Variants in ALPL observed in about 807,000 individuals in gnomAD.
ALPL encodes alkaline phosphatase, tissue-nonspecific isozyme.
ALPL carries 42 observed loss-of-function variants against 51.3 expected under a neutral mutation model. That is an observed-to-expected ratio of 0.82 (90% CI 0.64 to 1.06). The LOEUF (loss-of-function observed/expected upper bound fraction) is 1.06, where lower values mean the gene tolerates loss of function less well. ALPL is among the 50% of genes least tolerant of loss of function. The probability of loss-of-function intolerance (pLI) is 0.00; values close to 1 mark genes in which losing one functional copy is unlikely to be tolerated. For synonymous variants in ALPL, 279 were observed against 296.4 expected, an observed-to-expected ratio of 0.94 and a Z score of 0.60; for missense variants, 589 against 709.4, an observed-to-expected ratio of 0.83 and a Z score of 1.93.
At chr1:21,541,123 C>G (rs1166307095) in intron 1 of ALPL, among the ~76,000 whole-genome samples, 1 of 152,134 alleles carries the variant, frequency 6.6e-6, no homozygotes, top group Non-Finnish European at 1.5e-5. Flanking sequence ...GTGGCTTGAT[C>G]GAGTGGGCGG....
At position 21,568,404 on chromosome 1, in the gene ALPL, TAGTC is replaced by T. The variant is rs989710323; in HGVS notation, c.792+161_792+164del. On this transcript the variant is annotated intron_variant, in intron 7 of 11. Coordinates refer to ENST00000374840, the MANE Select transcript of ALPL (RefSeq NM_000478.6). ...GCCTAAGAGATATACAAGCAGTAGA[TAGTC>T]AGTGACTAATCATTTCCTTCCCTTG... 2.0e-4 allele frequency among the ~76,000 whole-genome samples: 31 copies of T among 152,200 alleles called. No individual in the cohort carries two copies. In the South Asian group the frequency reaches 2.5e-3, roughly 12 times the overall value.
chr1:21,575,999 G>A (rs1644726647), intron 10 of ALPL, 75 bp downstream of exon 10: 4 of 1,551,706 alleles, frequency 2.6e-6, no homozygotes, highest in Non-Finnish European at 3.6e-6. Context: ...GTGGGTGGGA[G>A]AGCCAGCAAG....
At chr1:21,561,613 CCTCCCA>C (rs1644486059) in intron 4 of ALPL, among the ~76,000 whole-genome samples, 1 of 151,576 alleles carries the variant, frequency 6.6e-6, no homozygotes, top group Non-Finnish European at 1.5e-5. Flanking sequence ...ACAGCCTTGG[CCTCCCA>C]GTCTTGGGAT....
chr1:21,563,145 C>T lies in ALPL; in HGVS notation c.333C>T (p.Ala111=), dbSNP rs769379537. Reference sequence around the variant, plus strand: ...CCAATGCCCAGGTCCCTGACAGTGCCGGCACCGCCACCGCCTACCTGTGTG... The same window carrying T: ...CCAATGCCCAGGTCCCTGACAGTGCTGGCACCGCCACCGCCTACCTGTGTG... The part of the protein sequence containing the change: ...YNTNAQVPDS[A]GTATAYLCGV... Residue 111 remains alanine, a synonymous_variant, in exon 5 of 12, where the codon GCC becomes GCT. Transcript: ENST00000374840. 22 of 1,613,606 alleles carry T rather than the reference C, an allele frequency of 1.4e-5. No individual in the cohort carries two copies. The highest frequency in any genetic ancestry group is 3.3e-5 in the South Asian group (3 of 91,084).
chr1:21,521,505 C>T (rs951824981), intron 1 of ALPL, among the ~76,000 whole-genome samples: 8 of 152,200 alleles, frequency 5.3e-5, no homozygotes, highest in Admixed American at 1.3e-4. Flanking sequence ...GGCTGCCCCA[C>T]TCGGCAAGGG....
At chr1:21,558,961 A>G (rs1489702799) in intron 2 of ALPL, among the ~76,000 whole-genome samples, 2 of 152,154 alleles carry the variant, frequency 1.3e-5, no homozygotes, top group Admixed American at 1.3e-4. Context: ...CCACCTGCCA[A>G]GGCAGTTGAG....
intron 1 of ALPL, among the ~76,000 whole-genome samples, chr1:21,515,064 G>A (rs1422861334): frequency 1.3e-5 from 2 of 152,146 alleles, no homozygotes; most frequent in Admixed American, 6.6e-5. Context: ...CTCCACTCCA[G>A]CTTGTTTCAG....
Position 21,568,116 on chromosome 1 carries a change from G to T in ALPL, c.661G>T (p.Gly221Cys), listed in dbSNP as rs769020799. Reference sequence around the variant, plus strand: ...CTGTCTCTTTTAGGTGATCATGGGGGGTGGCCGGAAATACATGTACCCCAA... The same window carrying T: ...CTGTCTCTTTTAGGTGATCATGGGGTGTGGCCGGAAATACATGTACCCCAA... ...NIRDIDVIMG[G>C]GRKYMYPKNK... is the part of the protein sequence containing the mutation. The change falls in exon 7 of 12, where the codon GGT becomes TGT. Residue 221 changes from glycine to cysteine, a missense_variant. Coordinates refer to ENST00000374840, the MANE Select transcript of ALPL (RefSeq NM_000478.6). The T allele has an allele frequency of 1.2e-6, 2 of 1,614,084 alleles. No homozygotes were observed. The highest frequency in any genetic ancestry group is 1.7e-6 in the Non-Finnish European group (2 of 1,180,030).
chr1:21,542,482 G>C (rs1401456121), intron 1 of ALPL, among the ~76,000 whole-genome samples: 3 of 152,198 alleles, frequency 2.0e-5, no homozygotes, highest in Non-Finnish European at 4.4e-5. Context: ...CTTCCCATTT[G>C]GACAATGGGA....
At chr1:21,528,308 A>G (rs999207884) in intron 1 of ALPL, among the ~76,000 whole-genome samples, 2 of 141,542 alleles carry the variant, frequency 1.4e-5, no homozygotes, top group South Asian at 2.2e-4. Context: ...GGAGTGACCT[A>G]TTCAGGCATG....
chr1:21,525,952 C>T (rs939145654), intron 1 of ALPL, among the ~76,000 whole-genome samples: 4 of 152,144 alleles, frequency 2.6e-5, no homozygotes, highest in Admixed American at 6.5e-5. Flanking sequence ...GGCACCATTG[C>T]ACTCCAGCCT....
intron 1 of ALPL, chr1:21,551,244 A>G (rs1352725451): frequency 2.0e-5 from 3 of 152,154 alleles, no homozygotes; most frequent in African/African-American, 7.2e-5. Context: ...AAGCACTAGG[A>G]GGGCAGAGAC....
At position 21,525,954 on chromosome 1, in the gene ALPL, C is replaced by T. The variant is rs575423432; in HGVS notation, c.-105+16437C>T. On this transcript the variant is annotated intron_variant, in intron 1 of 11. Transcript: ENST00000374840. ...AGTGAGCCAAGATGGCACCATTGCACTCCAGCCTGGGCAACAAGAGCAAAA... is the reference window on the plus strand; with the variant it reads ...AGTGAGCCAAGATGGCACCATTGCATTCCAGCCTGGGCAACAAGAGCAAAA... Among the ~76,000 whole-genome samples, 25 of 152,188 alleles carry T rather than the reference C, an allele frequency of 1.6e-4. 1 individual carries two copies. The highest frequency in any genetic ancestry group is 6.0e-4 in the African/African-American group (25 of 41,552).
chr1:21,543,193 C>T (rs562391538), intron 1 of ALPL, among the ~76,000 whole-genome samples: 15 of 152,186 alleles, frequency 9.9e-5, no homozygotes, highest in South Asian at 6.2e-4. Context: ...AGATTCTGAC[C>T]GAGTAGGTCT....
intron 1 of ALPL, among the ~76,000 whole-genome samples, chr1:21,515,905 G>A (rs1401122771): frequency 3.3e-5 from 5 of 151,980 alleles, no homozygotes; most frequent in Non-Finnish European, 7.4e-5. Context: ...GGGTCTAGTG[G>A]CTCTGTTGCC....
At chr1:21,553,476 T>C (rs1446817279) in intron 1 of ALPL, among the ~76,000 whole-genome samples, 1 of 152,148 alleles carries the variant, frequency 6.6e-6, no homozygotes, top group Non-Finnish European at 1.5e-5. Flanking sequence ...GGGACACAGG[T>C]AATTAAAAGG....
intron 1 of ALPL, among the ~76,000 whole-genome samples, chr1:21,537,525 C>T (rs1206491856): frequency 6.6e-6 from 1 of 152,188 alleles, no homozygotes; most frequent in African/African-American, 2.4e-5. Flanking sequence ...AGGGCAGCAG[C>T]CAGGCATGGC....
intron 6 of ALPL, among the ~76,000 whole-genome samples, chr1:21,565,139 A>G (rs1644545143): frequency 6.6e-6 from 1 of 151,992 alleles, no homozygotes; most frequent in African/African-American, 2.4e-5. Flanking sequence ...CCACCAGACA[A>G]ACTCACCTGC....
At chr1:21,561,011 C>T in intron 3 of ALPL, 86 bp from the exon 4 acceptor site, 2 of 1,299,438 alleles carry the variant, frequency 1.5e-6, no homozygotes, top group South Asian at 2.5e-5. Flanking sequence ...TGCCTTGGTA[C>T]CGAACTAGAG....
Sources: gnomAD v4.1 joint callset for allele counts (sites outside exome capture counted in the v4.1 genomes callset) on GRCh38, gnomAD v4.1.1 for gene constraint, MANE v1.5 for transcripts, NCBI Gene and HGNC (gene_info 2026-07-23, HGNC 2026-07-21) for gene names.